Variants in TFEC observed in about 807,000 individuals in gnomAD.
The protein encoded by TFEC is class E basic helix-loop-helix protein 34.
Under a neutral mutation model 41.6 loss-of-function variants are expected in TFEC, and 31 were observed. That is an observed-to-expected ratio of 0.74 (90% CI 0.56 to 1.01). TFEC has a LOEUF of 1.01. Among genes scored for constraint, TFEC ranks in the 50% least tolerant of loss-of-function variants. The pLI, the probability that TFEC is intolerant of heterozygous loss-of-function variation, is 0.00. For synonymous variants in TFEC, 143 were observed against 140.6 expected (o/e 1.02, Z -0.12); for missense variants, 402 against 404.1 (o/e 0.99, Z 0.04).
chr7:115,966,967 T>C (rs1471562969), intron 3 of TFEC, among the ~76,000 whole-genome samples: 1 of 151,798 alleles, frequency 6.6e-6, no homozygotes, highest in Non-Finnish European at 1.5e-5. Context: ...TTAATTGTTT[T>C]ATCTTTCTCC....
At chr7:116,000,278 C>A (rs952183901) in intron 1 of TFEC, among the ~76,000 whole-genome samples, 4 of 151,762 alleles carry the variant, frequency 2.6e-5, no homozygotes, top group Non-Finnish European at 5.9e-5. Flanking sequence ...AGATAAAAAC[C>A]CTCAAAAAAC....
At chr7:116,144,421 G>C (rs1798601927) in intron 1 of TFEC, among the ~76,000 whole-genome samples, 1 of 152,138 alleles carries the variant, frequency 6.6e-6, no homozygotes. Context: ...TTAATTTTTT[G>C]TGTCTACTTG....
intron 3 of TFEC, among the ~76,000 whole-genome samples, chr7:116,083,773 C>A (rs1452145640): frequency 6.6e-6 from 1 of 151,878 alleles, no homozygotes; most frequent in Admixed American, 6.6e-5. Context: ...GCTGTTGATT[C>A]ATTCAGAAGA....
intron 1 of TFEC, among the ~76,000 whole-genome samples, chr7:116,019,871 G>A (rs1163265858): frequency 6.6e-6 from 1 of 152,142 alleles, no homozygotes; most frequent in Non-Finnish European, 1.5e-5. Flanking sequence ...GAGAGATTAA[G>A]CAACTTGTGT....
chr7:115,984,279 C>T lies in TFEC; in HGVS notation c.163G>A (p.Asp55Asn), dbSNP rs1304750374. The change falls in exon 2 of 8, where the codon GAC becomes AAC. Residue 55 changes from aspartate to asparagine, a missense_variant. Physicochemically the swap from Asp to Asn is conservative, Grantham distance 23 (BLOSUM62 1). Coordinates refer to ENST00000265440, the MANE Select transcript of TFEC (RefSeq NM_012252.4). ...AGACATACATGCCATTGTGCATTGT[C>T]ATCTTCTTTCCCAATAGCTAGTAAC... ...TKLLAIGKED[D>N]NAQWHMEDVI... The T allele has an allele frequency of 6.2e-7, 1 of 1,613,994 alleles. No homozygotes were observed. The highest frequency in any genetic ancestry group is 1.7e-5 in the Admixed American group (1 of 60,014).
intron 2 of TFEC, among the ~76,000 whole-genome samples, chr7:115,981,198 C>G (rs540077175): frequency 6.6e-6 from 1 of 151,986 alleles, no homozygotes; most frequent in Admixed American, 6.6e-5. Context: ...CCCACTTATG[C>G]TTGTCTACTC....
intron 1 of TFEC, among the ~76,000 whole-genome samples, chr7:116,117,753 A>T (rs1798023588): frequency 6.6e-6 from 1 of 151,896 alleles, no homozygotes; most frequent in South Asian, 2.1e-4. Flanking sequence ...ATTAGAACCT[A>T]GTTCTCTAGA....
intron 3 of TFEC, among the ~76,000 whole-genome samples, chr7:116,087,523 T>C (rs889883984): frequency 2.6e-5 from 4 of 151,990 alleles, no homozygotes; most frequent in Non-Finnish European, 5.9e-5. Flanking sequence ...ATGCACAGGC[T>C]TTCACCCATA....
intron 2 of TFEC, among the ~76,000 whole-genome samples, chr7:115,983,527 GA>G (rs1051701304): frequency 2.0e-5 from 3 of 151,746 alleles, no homozygotes; most frequent in Admixed American, 2.0e-4. Flanking sequence ...AAATCTAATG[GA>G]AAAAAAGAAA....
intron 3 of TFEC, among the ~76,000 whole-genome samples, chr7:116,062,386 T>C (rs999533266): frequency 1.3e-5 from 2 of 150,154 alleles, no homozygotes; most frequent in Non-Finnish European, 3.0e-5. Context: ...CCTGGCACCA[T>C]TGTATCATTC....
intron 3 of TFEC, among the ~76,000 whole-genome samples, chr7:116,106,951 T>C (rs1797732661): frequency 6.6e-6 from 1 of 152,164 alleles, no homozygotes; most frequent in Admixed American, 6.5e-5. Context: ...AGAAACAGAA[T>C]TTCCTACCTT....
At chr7:116,107,540 T>A (rs1368474487) in intron 3 of TFEC, among the ~76,000 whole-genome samples, 1 of 152,158 alleles carries the variant, frequency 6.6e-6, no homozygotes, top group Non-Finnish European at 1.5e-5. Flanking sequence ...AAAGACAATA[T>A]GCAGAGAGCA....
chr7:116,108,890 A>G (rs1280279827), intron 3 of TFEC, among the ~76,000 whole-genome samples: 1 of 152,146 alleles, frequency 6.6e-6, no homozygotes, highest in Non-Finnish European at 1.5e-5. Flanking sequence ...AAAGCCCACT[A>G]TCAGAGAGCC....
intron 3 of TFEC, among the ~76,000 whole-genome samples, chr7:115,958,774 G>A (rs1295352056): frequency 6.6e-6 from 1 of 151,724 alleles, no homozygotes; most frequent in Non-Finnish European, 1.5e-5. Context: ...ATGCCCTAAA[G>A]CACAATAATT....
At chr7:116,028,203 C>CTTT (rs1270937711) in intron 1 of TFEC, among the ~76,000 whole-genome samples, 1 of 152,148 alleles carries the variant, frequency 6.6e-6, no homozygotes, top group Non-Finnish European at 1.5e-5. Flanking sequence ...ATGGCCAAGA[C>CTTT]TTTTTATGCT....
intron 3 of TFEC, among the ~76,000 whole-genome samples, chr7:116,107,270 A>G (rs1025777028): frequency 6.6e-6 from 1 of 151,866 alleles, no homozygotes; most frequent in African/African-American, 2.4e-5. Flanking sequence ...ATAATAACAG[A>G]CCATCCCCTC....
intron 1 of TFEC, among the ~76,000 whole-genome samples, chr7:116,125,843 G>A (rs1052347404): frequency 6.6e-6 from 1 of 152,100 alleles, no homozygotes; most frequent in Non-Finnish European, 1.5e-5. Context: ...ATATCCAGCT[G>A]ACAGTTAACA....
chr7:116,095,877 G>C (rs899816118), intron 3 of TFEC, among the ~76,000 whole-genome samples: 1 of 151,746 alleles, frequency 6.6e-6, no homozygotes, highest in South Asian at 2.1e-4. Context: ...TCCTAATCAT[G>C]AGTGTATTCC....
At chr7:115,950,829 G>T in intron 6 of TFEC, 45 bp downstream of exon 6, 2 of 1,436,048 alleles carry the variant, frequency 1.4e-6, no homozygotes, top group South Asian at 2.6e-5. Context: ...CATTTTGGGG[G>T]TCTTTAAATT....
Sources: allele counts gnomAD v4.1 joint callset (sites outside exome capture counted in the v4.1 genomes callset), GRCh38; gene constraint gnomAD v4.1.1; transcripts MANE v1.5; gene names NCBI Gene and HGNC (gene_info 2026-07-23, HGNC 2026-07-21).